EIPR1: variants seen among roughly 807,000 people sequenced by gnomAD.
The protein encoded by EIPR1 is EARP and GARP complex-interacting protein 1.
Under a neutral mutation model 48.1 loss-of-function variants are expected in EIPR1, and 25 were observed. The ratio of observed to expected loss-of-function variants is 0.52; its 90% CI spans 0.38 to 0.73. The LOEUF is 0.73. Among genes scored for constraint, EIPR1 ranks in the 30% least tolerant of loss-of-function variants. EIPR1 has a pLI of 0.00. For missense variants in EIPR1, 415 were observed against 506.2 expected, an observed-to-expected ratio of 0.82 and a Z score of 1.73; for synonymous variants, 204 against 201.9, an observed-to-expected ratio of 1.01 and a Z score of -0.09.
chr2:3,242,995 T>C (rs1294230905), intron 4 of EIPR1, among the ~76,000 whole-genome samples: 1 of 152,204 alleles, frequency 6.6e-6, no homozygotes, highest in Non-Finnish European at 1.5e-5. Context: ...TGTTGGGACC[T>C]ATGGAATACT....
chr2:3,209,436 G>A (rs746655165), intron 5 of EIPR1, among the ~76,000 whole-genome samples: 13 of 152,322 alleles, frequency 8.5e-5, no homozygotes, highest in East Asian at 3.9e-4. Context: ...CTCGGACTCC[G>A]TGTCCCCCGC....
At position 3,189,852 on chromosome 2, in the gene EIPR1, C is replaced by T. The variant is rs1664542340; in HGVS notation, c.990-344G>A. Among the ~76,000 whole-genome samples the T allele has an allele frequency of 1.3e-5, 2 of 152,190 alleles. No individual in the cohort carries two copies. The highest frequency in any genetic ancestry group is 4.1e-4 in the South Asian group (2 of 4,832). On this transcript the variant is annotated intron_variant, in intron 8 of 8. Transcript: ENST00000382125. This position sits in a 1 kb window ranked among gnomAD's most constrained non-coding sequence, Gnocchi z 4.6. Reference sequence around the variant, plus strand: ...GAGGTCTTCCAAGGGCTTCCTTTAGCTCAGGGGAAAGACTGGGGGAAGTAG... The same window carrying T: ...GAGGTCTTCCAAGGGCTTCCTTTAGTTCAGGGGAAAGACTGGGGGAAGTAG...
intron 1 of EIPR1, among the ~76,000 whole-genome samples, chr2:3,360,124 C>T (rs1195616840): frequency 1.3e-5 from 2 of 151,512 alleles, no homozygotes; most frequent in Admixed American, 6.6e-5. Flanking sequence ...CAAGGCGAGT[C>T]TAGGCACAGT....
At chr2:3,208,434 T>C in intron 5 of EIPR1, 4 of 1,476,642 alleles carry the variant, frequency 2.7e-6, no homozygotes, top group Non-Finnish European at 3.6e-6. Flanking sequence ...CTTCAGACAC[T>C]TCCTCTGCTT....
At chr2:3,353,403 A>T in intron 2 of EIPR1, 1 of 436,386 alleles carries the variant, frequency 2.3e-6, no homozygotes, top group South Asian at 1.7e-5. Flanking sequence ...ACATCCCACC[A>T]AATCATCTAA....
chr2:3,356,060 G>A (rs1670719092), intron 1 of EIPR1, among the ~76,000 whole-genome samples: 1 of 152,232 alleles, frequency 6.6e-6, no homozygotes, highest in Non-Finnish European at 1.5e-5. Flanking sequence ...TGGGCTGAGG[G>A]AGAAGATGAA....
intron 3 of EIPR1, among the ~76,000 whole-genome samples, chr2:3,258,709 C>T (rs1667238939): frequency 1.3e-5 from 2 of 152,088 alleles, no homozygotes; most frequent in South Asian, 4.1e-4. Flanking sequence ...CATTGTTAAC[C>T]ATGATTGAAT....
chr2:3,297,392 C>T (rs992561991), intron 3 of EIPR1, among the ~76,000 whole-genome samples: 8 of 152,242 alleles, frequency 5.3e-5, no homozygotes, highest in African/African-American at 1.7e-4. Flanking sequence ...AAGTGGTAAG[C>T]ACAGGGCTCA....
At chr2:3,345,892 C>T (rs1350248542) in intron 2 of EIPR1, among the ~76,000 whole-genome samples, 2 of 152,166 alleles carry the variant, frequency 1.3e-5, no homozygotes, top group Non-Finnish European at 1.5e-5. Flanking sequence ...TAATCTTTCT[C>T]TTGGTTTATA....
intron 2 of EIPR1, among the ~76,000 whole-genome samples, chr2:3,354,154 C>T (rs1670661128): frequency 6.6e-6 from 1 of 152,098 alleles, no homozygotes; most frequent in Admixed American, 6.5e-5. Flanking sequence ...TGGCCTGGGT[C>T]AAGTAGGGAT....
intron 3 of EIPR1, among the ~76,000 whole-genome samples, chr2:3,329,913 G>A (rs1000656781): frequency 4.5e-5 from 6 of 134,352 alleles, no homozygotes; most frequent in African/African-American, 1.7e-4. Context: ...ACATACCACA[G>A]TATAATGATC....
chr2:3,208,808 T>TAA (rs1403541442), intron 5 of EIPR1: 2 of 1,549,896 alleles, frequency 1.3e-6, no homozygotes, highest in African/African-American at 2.7e-5. Context: ...GTCCTCCTTC[T>TAA]GTGAGTGAGG....
chr2:3,249,454 C>G (rs1666940345), intron 4 of EIPR1, among the ~76,000 whole-genome samples: 1 of 152,160 alleles, frequency 6.6e-6, no homozygotes, highest in African/African-American at 2.4e-5. Context: ...AGCCTACAAT[C>G]AGATACAGGA....
intron 5 of EIPR1, chr2:3,209,031 C>T (rs1331371218): frequency 6.9e-7 from 1 of 1,444,032 alleles, no homozygotes; most frequent in Non-Finnish European, 9.1e-7. Flanking sequence ...GGTGGCTGAC[C>T]AGCACCATCT....
intron 1 of EIPR1, among the ~76,000 whole-genome samples, chr2:3,363,327 C>A (rs1453805593): frequency 1.3e-5 from 2 of 152,094 alleles, no homozygotes; most frequent in Non-Finnish European, 2.9e-5. Flanking sequence ...CACATGATGG[C>A]TGAAAATTGT....
intron 4 of EIPR1, 187 bp from the exon 5 acceptor site, chr2:3,214,435 G>A: frequency 2.0e-6 from 1 of 509,868 alleles, no homozygotes; most frequent in Non-Finnish European, 3.5e-6. Context: ...GTTATGGACT[G>A]AATTGTGCCC....
At chr2:3,293,622 C>T (rs1019777192) in intron 3 of EIPR1, among the ~76,000 whole-genome samples, 2 of 152,248 alleles carry the variant, frequency 1.3e-5, no homozygotes, top group African/African-American at 4.8e-5. Context: ...CTCCCCATCA[C>T]TCTGGACGCA....
At chr2:3,255,116 C>T (rs1459486093) in intron 4 of EIPR1, among the ~76,000 whole-genome samples, 4 of 151,902 alleles carry the variant, frequency 2.6e-5, no homozygotes, top group Non-Finnish European at 4.4e-5. Flanking sequence ...AAAATCAGAG[C>T]AAATGGCATT....
At chr2:3,276,381 C>T (rs977602906) in intron 3 of EIPR1, among the ~76,000 whole-genome samples, 1 of 152,236 alleles carries the variant, frequency 6.6e-6, no homozygotes, top group African/African-American at 2.4e-5. Flanking sequence ...CTGAAATTTC[C>T]TTTCATGAAA....
Sources: gnomAD v4.1 joint callset for allele counts (sites outside exome capture counted in the v4.1 genomes callset) on GRCh38, gnomAD v4.1.1 for gene constraint, Gnocchi (gnomAD v3.1) non-coding constraint, MANE v1.5 for transcripts, NCBI Gene and HGNC (gene_info 2026-07-23, HGNC 2026-07-21) for gene names.